Variants in GMDS observed in about 807,000 individuals in gnomAD.
GMDS encodes GDP-mannose 4,6 dehydratase.
In GMDS, 20 loss-of-function variants were observed where a neutral mutation model predicts 49.9. The ratio of observed to expected loss-of-function variants is 0.40; its 90% CI spans 0.28 to 0.58. The LOEUF (loss-of-function observed/expected upper bound fraction) is 0.58. GMDS is among the 20% of genes least tolerant of loss of function. The pLI is 0.42. For synonymous variants in GMDS, 177 were observed against 178.6 expected (o/e 0.99, Z 0.07); for missense variants, 362 against 481.4 (o/e 0.75, Z 2.32).
At chr6:2,066,190 A>T (rs575748559) in intron 4 of GMDS, among the ~76,000 whole-genome samples, 1 of 147,002 alleles carries the variant, frequency 6.8e-6, no homozygotes, top group Non-Finnish European at 1.5e-5. Context: ...GTGAAGGAGA[A>T]ATAAAATACT....
At chr6:2,179,366 A>G (rs1279813994) in intron 1 of GMDS, among the ~76,000 whole-genome samples, 1 of 152,234 alleles carries the variant, frequency 6.6e-6, no homozygotes, top group African/African-American at 2.4e-5. Context: ...TAGCCTGAAT[A>G]TTGCCCCAAA....
At chr6:2,018,888 T>C (rs1030182803) in intron 4 of GMDS, among the ~76,000 whole-genome samples, 1 of 152,140 alleles carries the variant, frequency 6.6e-6, no homozygotes, top group Non-Finnish European at 1.5e-5. Context: ...TAACTTGACA[T>C]TTAACCTTTC....
chr6:2,236,720 A>G (rs919542677), intron 1 of GMDS, among the ~76,000 whole-genome samples: 15 of 152,362 alleles, frequency 9.8e-5, no homozygotes, highest in African/African-American at 3.4e-4. Flanking sequence ...TCTAAGAAAC[A>G]TAGAAAAATC....
At chr6:2,190,711 G>A (rs2127568657) in intron 1 of GMDS, among the ~76,000 whole-genome samples, 1 of 152,286 alleles carries the variant, frequency 6.6e-6, no homozygotes, top group East Asian at 1.9e-4. Context: ...TCCTCCACTT[G>A]GCAGCACCTA....
At chr6:2,157,939 C>T (rs993871391) in intron 1 of GMDS, among the ~76,000 whole-genome samples, 1 of 152,166 alleles carries the variant, frequency 6.6e-6, no homozygotes, top group African/African-American at 2.4e-5. Context: ...CTAAGAGAGA[C>T]ATCTCTGTTT....
intron 7 of GMDS, among the ~76,000 whole-genome samples, chr6:1,767,298 G>A (rs554428836): frequency 7.2e-5 from 11 of 152,096 alleles, no homozygotes; most frequent in South Asian, 2.1e-4. Context: ...TAACAGAAAC[G>A]ACAACAACTC....
intron 9 of GMDS, among the ~76,000 whole-genome samples, chr6:1,701,728 ATATT>A (rs1328678286): frequency 6.6e-6 from 1 of 151,916 alleles, no homozygotes; most frequent in African/African-American, 2.4e-5. Flanking sequence ...CAAATAATAT[ATATT>A]TATTATAATA....
intron 7 of GMDS, among the ~76,000 whole-genome samples, chr6:1,746,913 G>A (rs1458112113): frequency 6.6e-6 from 1 of 152,066 alleles, no homozygotes; most frequent in Admixed American, 6.6e-5. Flanking sequence ...TGTTGGTCAG[G>A]CTGGTCTTGA....
At chr6:1,957,828 G>A (rs1460946345) in intron 6 of GMDS, among the ~76,000 whole-genome samples, 1 of 152,036 alleles carries the variant, frequency 6.6e-6, no homozygotes, top group African/African-American at 2.4e-5. Context: ...TAGAGACAGG[G>A]GTCTCACTAT....
In GMDS at chr6:2,008,985, ATG is replaced by A. The variant is rs570427309; in HGVS notation, c.346-48021_346-48020del. Among the ~76,000 whole-genome samples the A allele has an allele frequency of 9.8e-5, 15 of 152,360 alleles. No individual in the cohort carries two copies. The East Asian group carries it at 2.9e-3, about 29-fold the overall frequency. The stretch of plus-strand genomic sequence containing the variant: ...TATAAAAATAAAAACAGGAAGCAAG[ATG>A]TTAAGTGCTGTTATTACTGTCAGTA... On this transcript the variant is annotated intron_variant, in intron 4 of 10. Coordinates refer to ENST00000380815, the MANE Select transcript of GMDS (RefSeq NM_001500.4).
At chr6:2,022,099 G>T (rs983864396) in intron 4 of GMDS, among the ~76,000 whole-genome samples, 17 of 152,048 alleles carry the variant, frequency 1.1e-4, no homozygotes, top group African/African-American at 4.1e-4. Flanking sequence ...AAGGCAACAG[G>T]GTATGGAAAG....
At chr6:1,745,680 T>G (rs1767464364) in intron 7 of GMDS, among the ~76,000 whole-genome samples, 1 of 152,222 alleles carries the variant, frequency 6.6e-6, no homozygotes, top group Admixed American at 6.5e-5. Context: ...GCATTTCCTC[T>G]AAAGTTCATA....
chr6:2,123,784 A>G (rs1413820420), intron 2 of GMDS, among the ~76,000 whole-genome samples: 1 of 152,252 alleles, frequency 6.6e-6, no homozygotes, highest in East Asian at 1.9e-4. Flanking sequence ...AAGGGTACAG[A>G]AGGTGCTAAA....
At chr6:2,145,408 GA>G (rs972599622) in intron 1 of GMDS, among the ~76,000 whole-genome samples, 5 of 151,928 alleles carry the variant, frequency 3.3e-5, no homozygotes, top group African/African-American at 1.2e-4. Context: ...CGTGGTGGTG[GA>G]TGCCTGTAAT....
chr6:2,088,885 G>A (rs1581634419), intron 4 of GMDS, among the ~76,000 whole-genome samples: 1 of 152,202 alleles, frequency 6.6e-6, no homozygotes, highest in East Asian at 1.9e-4. Flanking sequence ...AAGCATGTCA[G>A]AGCTGGTCCT....
chr6:2,044,531 A>T (rs1289929223), intron 4 of GMDS, among the ~76,000 whole-genome samples: 1 of 152,308 alleles, frequency 6.6e-6, no homozygotes, highest in Admixed American at 6.5e-5. Context: ...ATGGACATAC[A>T]GAGGAAAACA....
At chr6:2,002,778 TACTGTTAAATCTCTA>T (rs1766908312) in intron 4 of GMDS, among the ~76,000 whole-genome samples, 1 of 152,170 alleles carries the variant, frequency 6.6e-6, no homozygotes, top group Non-Finnish European at 1.5e-5. Flanking sequence ...ATTCAACATC[TACTGTTAAATCTCTA>T]GTACCTTCAA....
intron 4 of GMDS, among the ~76,000 whole-genome samples, chr6:2,052,562 T>C (rs1386606824): frequency 6.6e-6 from 1 of 152,142 alleles, no homozygotes; most frequent in Admixed American, 6.5e-5. Context: ...AGAACAACAG[T>C]CTCCACCTTA....
Position 1,766,713 on chromosome 6 carries a change from A to G in GMDS, c.772-24127T>C, listed in dbSNP as rs938793613. Among the ~76,000 whole-genome samples, 2 of 152,136 alleles carry G rather than the reference A, an allele frequency of 1.3e-5. No individual in the cohort carries two copies. The highest frequency in any genetic ancestry group is 2.4e-5 in the African/African-American group (1 of 41,418). ...GACGGTTCCCACCTGGGGATGTTGA[A>G]CCAGTCTCACCAGATCTGCTTACAC... is the stretch of plus-strand genomic sequence containing the variant. On this transcript the variant is annotated intron_variant, in intron 7 of 10. Transcript: ENST00000380815. This position sits in a 1 kb window ranked among gnomAD's most constrained non-coding sequence, Gnocchi z 4.5.
Sources: allele counts gnomAD v4.1 joint callset (sites outside exome capture counted in the v4.1 genomes callset), GRCh38; gene constraint gnomAD v4.1.1; non-coding constraint Gnocchi (gnomAD v3.1); transcripts MANE v1.5; gene names NCBI Gene and HGNC (gene_info 2026-07-23, HGNC 2026-07-21).